Variants in UGT2A2 observed in about 807,000 individuals in gnomAD.
UGT2A2 encodes the protein UDP glucuronosyltransferase family 2 member A2, also known as UDP-glucuronosyltransferase 2A2.
Under a neutral mutation model 50.7 loss-of-function variants are expected in UGT2A2, and 60 were observed. The ratio of observed to expected loss-of-function variants is 1.18; its 90% CI spans 0.96 to 1.47. The LOEUF is 1.47. UGT2A2 is among the 40% of genes most tolerant of loss of function. UGT2A2 has a pLI of 0.00. For missense variants in UGT2A2, 762 were observed against 634.0 expected (o/e 1.20, Z -2.17); for synonymous variants, 242 against 214.6 (o/e 1.13, Z -1.11).
intron 1 of UGT2A2, chr4:69,635,558 T>A (rs1721629015): frequency 6.2e-6 from 1 of 162,062 alleles, no homozygotes; most frequent in African/African-American, 2.4e-5. Flanking sequence ...GGCTGGGTGA[T>A]GTGGCTCAAG....
At position 69,599,306 on chromosome 4, in the gene UGT2A2, G is replaced by A. The variant is rs1282792325; in HGVS notation, c.831C>T (p.Tyr277=). ...TYWDFEFPRP[Y]LPNFEFVGGL... ...CTCCAACAAACTCAAAATTAGGTAA[G>A]TATGGACGAGGAAATTCAAAATCCC... Residue 277 remains tyrosine, a synonymous_variant, in exon 2 of 6, where the codon TAC becomes TAT. Transcript: ENST00000604629. 1 of 1,613,876 alleles carries A rather than the reference G, an allele frequency of 6.2e-7. No individual in the cohort carries two copies. Among genetic ancestry groups the A allele is most frequent in the Non-Finnish European group, 8.5e-7 (1 of 1,179,936 alleles).
At chr4:69,596,025 T>C (rs1410665415) in intron 3 of UGT2A2, among the ~76,000 whole-genome samples, 1 of 152,162 alleles carries the variant, frequency 6.6e-6, no homozygotes, top group Non-Finnish European at 1.5e-5. Context: ...AATAAATGAC[T>C]TCAAAAAAGT....
rs1246310577 is a variant in UGT2A2 at position 69,622,101 on chromosome 4, C to CCCTGTGTACCATATTA, written c.742+16797_742+16798insTAATATGGTACACAGG. Among the ~76,000 whole-genome samples the CCCTGTGTACCATATTA allele has an allele frequency of 4.0e-5, 6 of 151,776 alleles. No homozygotes were observed. In the East Asian group the frequency reaches 7.7e-4, roughly 20 times the overall value. Reference sequence around the variant, plus strand: ...TCATGGAATAGTCAGTACAACCAACCCCTGTGTACCACATTACCTGTGTAA... The same window carrying CCCTGTGTACCATATTA: ...TCATGGAATAGTCAGTACAACCAACCCCTGTGTACCATATTACCTGTGTACCACATTACCTGTGTAA... On this transcript the variant is annotated intron_variant, in intron 1 of 5. Transcript: ENST00000604629.
Position 69,629,051 on chromosome 4 carries a change from C to A in UGT2A2, c.742+9848G>T, listed in dbSNP as rs911536466. 4.6e-5 allele frequency among the ~76,000 whole-genome samples: 7 copies of A among 151,696 alleles called. No homozygotes were observed. The East Asian group carries it at 1.4e-3, about 29-fold the overall frequency. ...TTCTCCTGAACTATGTTAAAGCTAC[C>A]TTTGTCATTTCCCCAGTACCACAAG... On this transcript the variant is annotated intron_variant, in intron 1 of 5. Transcript: ENST00000604629.
chr4:69,624,788 T>C (rs921397449), intron 1 of UGT2A2, among the ~76,000 whole-genome samples: 1 of 151,408 alleles, frequency 6.6e-6, no homozygotes, highest in African/African-American at 2.4e-5. Context: ...AATAAATATC[T>C]GTAGTTATCA....
intron 1 of UGT2A2, among the ~76,000 whole-genome samples, chr4:69,618,348 C>T (rs1720540834): frequency 7.3e-6 from 1 of 137,346 alleles, no homozygotes; most frequent in East Asian, 2.0e-4. Context: ...ACCCCAGGAA[C>T]TCATACTAAT....
At chr4:69,617,119 A>G (rs769234768) in intron 1 of UGT2A2, among the ~76,000 whole-genome samples, 7 of 151,966 alleles carry the variant, frequency 4.6e-5, no homozygotes, top group Non-Finnish European at 1.0e-4. Context: ...TTACAGAACT[A>G]TTGTTAGTAT....
intron 1 of UGT2A2, among the ~76,000 whole-genome samples, chr4:69,636,542 A>C (rs2109964656): frequency 6.6e-6 from 1 of 152,192 alleles, no homozygotes; most frequent in Admixed American, 6.5e-5. Context: ...TTATTTTGTA[A>C]AGGTGAGAAG....
intron 1 of UGT2A2, among the ~76,000 whole-genome samples, chr4:69,625,596 T>C (rs897252195): frequency 1.3e-5 from 2 of 151,436 alleles, no homozygotes; most frequent in African/African-American, 4.8e-5. Context: ...TCTGGTAGTT[T>C]AATGTGGGCT....
intron 1 of UGT2A2, among the ~76,000 whole-genome samples, chr4:69,600,562 T>C (rs10028954): frequency 0.53 from 80,557 of 151,976 alleles, 21,765 homozygotes; most frequent in East Asian, 0.59. Flanking sequence ...AGTTTCCATC[T>C]CAGTGGGTGT....
chr4:69,605,436 A>G (rs1396563518), intron 1 of UGT2A2, among the ~76,000 whole-genome samples: 2 of 137,008 alleles, frequency 1.5e-5, no homozygotes, highest in Non-Finnish European at 3.1e-5. Context: ...GTAGAGGGAA[A>G]TTTATAGCAC....
intron 5 of UGT2A2, among the ~76,000 whole-genome samples, chr4:69,591,005 G>T (rs1718567218): frequency 6.6e-6 from 1 of 152,258 alleles, no homozygotes; most frequent in Non-Finnish European, 1.5e-5. Flanking sequence ...TATACCTTGT[G>T]TTCCCAGAGG....
chr4:69,596,486 C>A, intron 2 of UGT2A2, 105 bp from the exon 3 acceptor site: 1 of 1,326,642 alleles, frequency 7.5e-7, no homozygotes, highest in Non-Finnish European at 9.8e-7. Context: ...GTCAGAGAAA[C>A]TGTTGAACTG....
chr4:69,597,323 G>A (rs1161170933), intron 2 of UGT2A2, among the ~76,000 whole-genome samples: 1 of 152,136 alleles, frequency 6.6e-6, no homozygotes, highest in Admixed American at 6.5e-5. Flanking sequence ...TGCCATGAGT[G>A]TGATGTTAGC....
intron 1 of UGT2A2, among the ~76,000 whole-genome samples, chr4:69,629,995 T>C (rs1168096161): frequency 1.3e-5 from 2 of 152,100 alleles, no homozygotes; most frequent in Non-Finnish European, 2.9e-5. Flanking sequence ...ACAAGTATAC[T>C]TAAAATTCCA....
chr4:69,614,633 T>C (rs1223888322), intron 1 of UGT2A2, among the ~76,000 whole-genome samples: 1 of 151,786 alleles, frequency 6.6e-6, no homozygotes, highest in Non-Finnish European at 1.5e-5. Context: ...TATAGACCAA[T>C]GGAATAGAAT....
At chr4:69,622,889 C>A (rs1720831103) in intron 1 of UGT2A2, among the ~76,000 whole-genome samples, 1 of 151,756 alleles carries the variant, frequency 6.6e-6, no homozygotes, top group Non-Finnish European at 1.5e-5. Context: ...AAAAATTCAG[C>A]CTCATTTATA....
At position 69,620,784 on chromosome 4, in the gene UGT2A2, A is replaced by G. The variant is rs527266907; in HGVS notation, c.742+18115T>C. ...AACCAAAACAGTATGGCACTGGTACAAAAACAGAAACATAGACAAAGGAAA... is the reference window on the plus strand; with the variant it reads ...AACCAAAACAGTATGGCACTGGTACGAAAACAGAAACATAGACAAAGGAAA... On this transcript the variant is annotated intron_variant, in intron 1 of 5. Coordinates refer to ENST00000604629, the MANE Select transcript of UGT2A2 (RefSeq NM_001105677.2). Among the ~76,000 whole-genome samples, 6 of 151,982 alleles carry G rather than the reference A, an allele frequency of 3.9e-5. No homozygotes were observed. The South Asian group carries it at 1.2e-3, about 32-fold the overall frequency.
At chr4:69,630,598 T>C (rs1010152760) in intron 1 of UGT2A2, among the ~76,000 whole-genome samples, 3 of 152,152 alleles carry the variant, frequency 2.0e-5, no homozygotes, top group Non-Finnish European at 4.4e-5. Flanking sequence ...CAGGGAATTA[T>C]AAAATAGGCC....
Sources: gnomAD v4.1 joint callset for allele counts (sites outside exome capture counted in the v4.1 genomes callset) on GRCh38, gnomAD v4.1.1 for gene constraint, MANE v1.5 for transcripts, NCBI Gene and HGNC (gene_info 2026-07-23, HGNC 2026-07-21) for gene names.